Variants in IL24 observed in about 807,000 individuals in gnomAD.
IL24 encodes the protein interleukin-24.
A neutral mutation model predicts 27.6 loss-of-function variants in IL24; 24 were observed. The ratio of observed to expected loss-of-function variants is 0.87; its 90% confidence interval spans 0.63 to 1.22. The LOEUF is 1.22. Among genes scored for constraint, IL24 ranks in the 50% most tolerant of loss-of-function variants. IL24 has a pLI of 0.00. For missense variants in IL24, 240 were observed against 237.0 expected (o/e 1.01, Z -0.08); for synonymous variants, 99 against 93.1 (o/e 1.06, Z -0.36).
rs753577647 is a variant in IL24 at position 206,897,880 on chromosome 1, C to A, written c.44+4C>A. ...AAAGCCTGTGGACTTTAGCCAGGTG[C>A]GGTGGCTCACACCTGTAATCCCAGA... On this transcript the variant is annotated splice_donor_region_variant and intron_variant, in intron 2 of 6. Transcript: ENST00000294984. 1 of 1,588,098 alleles carries A rather than the reference C, an allele frequency of 6.3e-7. No individual in the cohort carries two copies. The highest frequency in any genetic ancestry group is 8.6e-7 in the Non-Finnish European group (1 of 1,165,704).
rs1051764529 is a variant in IL24, at chr1:206,903,068, A to G, written c.*9A>G. ...AATTCTACAAGCTCTGAATGTCTAGACCAGGACCTCCCTCCCCCTGGCACT... is the reference window on the plus strand; with the variant it reads ...AATTCTACAAGCTCTGAATGTCTAGGCCAGGACCTCCCTCCCCCTGGCACT... On this transcript the variant is annotated 3_prime_UTR_variant, in exon 7 of 7. Transcript: ENST00000294984. 4 of 1,607,734 alleles carry G rather than the reference A, an allele frequency of 2.5e-6. No homozygotes were observed. Among genetic ancestry groups the G allele is most frequent in the Non-Finnish European group, 3.4e-6 (4 of 1,174,292 alleles).
At position 206,897,859 on chromosome 1, in the gene IL24, C is replaced by T; in HGVS notation, c.27C>T (p.Ser9=). The T allele has an allele frequency of 1.2e-6, 2 of 1,607,774 alleles. No homozygotes were observed. The highest frequency in any genetic ancestry group is 1.1e-5 in the South Asian group (1 of 89,596). ...TGAATTTTCAACAGAGGCTGCAAAG[C>T]CTGTGGACTTTAGCCAGGTGCGGTG... The part of the protein sequence containing the change: MNFQQRLQ[S]LWTLARPFCP... Residue 9 remains serine (S), a synonymous_variant, in exon 2 of 7, where the codon AGC becomes AGT. Transcript: ENST00000294984.
chr1:206,902,784 T>C, intron 6 of IL24, 192 bp from the exon 7 acceptor site: 1 of 985,406 alleles, frequency 1.0e-6, no homozygotes, highest in Non-Finnish European at 1.2e-6. Context: ...AGCCTGTTTG[T>C]CCTCACCCCT....
chr1:206,899,159 CCCACTGCACCT>C (rs1678273647), intron 2 of IL24, among the ~76,000 whole-genome samples, 150 bp from the exon 3 acceptor site: 2 of 152,202 alleles, frequency 1.3e-5, no homozygotes, highest in African/African-American at 2.4e-5. Flanking sequence ...CTGCTTCACC[CCCACTGCACCT>C]TAGCAAGGCT....
In IL24 at chr1:206,897,710, T is replaced by A. The variant is rs1303379844; in HGVS notation, c.-102-21T>A. ...TCAAGGTGGGGACAGCAGAAGTCAA[T>A]TTTTTTGAGTGTTGATGTAGGGACA... On this transcript the variant is annotated intron_variant, in intron 1 of 6. Coordinates refer to ENST00000294984, the MANE Select transcript of IL24 (RefSeq NM_006850.3). 39 of 962,848 alleles carry A rather than the reference T, an allele frequency of 4.1e-5. No homozygotes were observed. The South Asian group carries it at 5.8e-4, about 14-fold the overall frequency. The allele number at this position is 962,848 out of a possible 1,614,324, so 59.6% of individuals were successfully genotyped here.
At chr1:206,902,868 T>A in intron 6 of IL24, 108 bp from the exon 7 acceptor site, 1 of 1,589,048 alleles carries the variant, frequency 6.3e-7, no homozygotes, top group Non-Finnish European at 8.6e-7. Context: ...ATCCCAAAGG[T>A]GACCCATCCC....
rs193227108 is a variant in IL24 at position 206,897,585 on chromosome 1, C to T, written c.-133C>T. 1,739 of 324,316 alleles carry T rather than the reference C, an allele frequency of 5.4e-3. 18 individuals carry two copies. The highest frequency in any genetic ancestry group is 0.012 in the Middle Eastern group (14 of 1,190). 20.1% of individuals were successfully genotyped at this position (324,316 alleles called of 1,614,324 possible). On this transcript the variant is annotated 5_prime_UTR_variant, in exon 1 of 7. Transcript: ENST00000294984. ...AAAGAACCAGCTGCCTCCAGGCAGCCAGCCCTCAAGCATCACTTACAGGAC... is the reference window on the plus strand; with the variant it reads ...AAAGAACCAGCTGCCTCCAGGCAGCTAGCCCTCAAGCATCACTTACAGGAC...
intron 2 of IL24, 103 bp downstream of exon 2, chr1:206,897,979 CCT>C: frequency 3.2e-6 from 2 of 615,638 alleles, no homozygotes. Flanking sequence ...ATGGTGAAAC[CCT>C]GTCTCTACTA....
At chr1:206,902,492 T>G (rs1243400316) in intron 6 of IL24, 6 of 984,808 alleles carry the variant, frequency 6.1e-6, no homozygotes, top group Non-Finnish European at 7.2e-6. Flanking sequence ...ATTTTTGCTT[T>G]TCCAAAATTA....
chr1:206,901,532 G>A lies in IL24; in HGVS notation c.342G>A (p.Glu114=). ...GTTACCTTGTCCACACCCTGCTGGA[G>A]TTCTACTTGAAAACTGTTTTCAAAA... The part of the protein sequence containing the change: ...ESCYLVHTLL[E]FYLKTVFKNY... The change falls in exon 5 of 7, where the codon GAG becomes GAA. Residue 114 remains glutamate, a synonymous_variant. Transcript: ENST00000294984. The A allele has an allele frequency of 6.2e-7, 1 of 1,614,074 alleles. No individual in the cohort carries two copies. Among genetic ancestry groups the A allele is most frequent in the Non-Finnish European group, 8.5e-7 (1 of 1,179,974 alleles).
rs779423386 is a variant in IL24 at position 206,897,814 on chromosome 1, AG to A, written c.-17del. The A allele has an allele frequency of 2.5e-6, 4 of 1,612,594 alleles. No individual in the cohort carries two copies. The highest frequency in any genetic ancestry group is 3.4e-6 in the Non-Finnish European group (4 of 1,179,450). On this transcript the variant is annotated 5_prime_UTR_variant, in exon 2 of 7. Coordinates refer to ENST00000294984, the MANE Select transcript of IL24 (RefSeq NM_006850.3). ...GAGGCTGCTTGGGAGGAAGGCCAGGAGGAACACGAGACTGAGAGATGAATTT... is the reference window on the plus strand; with the variant it reads ...GAGGCTGCTTGGGAGGAAGGCCAGGAGAACACGAGACTGAGAGATGAATTT...
chr1:206,899,177 GGCT>G (rs1301166273), intron 2 of IL24, 140 bp from the exon 3 acceptor site: 65 of 810,500 alleles, frequency 8.0e-5, no homozygotes, highest in Non-Finnish European at 1.1e-4. Context: ...ACCTTAGCAA[GGCT>G]GCCGGTTTGC....
intron 6 of IL24, 161 bp from the exon 7 acceptor site, chr1:206,902,815 G>C: frequency 4.1e-6 from 4 of 985,430 alleles, no homozygotes; most frequent in Non-Finnish European, 4.8e-6. Context: ...AACACATGTA[G>C]ATGGAGGAAA....
Position 206,899,717 on chromosome 1 carries a change from G to A in IL24, c.240+202G>A, listed in dbSNP as rs370990078. On this transcript the variant is annotated intron_variant, in intron 3 of 6. Coordinates refer to ENST00000294984, the MANE Select transcript of IL24 (RefSeq NM_006850.3). ...GAGGAAATTGGGGCTCAGAAAAAAT[G>A]TGGGCAGCCTCGAGTGAAATAAGCA... Among the ~76,000 whole-genome samples the A allele has an allele frequency of 3.3e-5, 5 of 152,310 alleles. No homozygotes were observed. The East Asian group carries it at 5.8e-4, about 18-fold the overall frequency.
intron 2 of IL24, among the ~76,000 whole-genome samples, chr1:206,899,096 A>AG (rs3093444): frequency 9.8e-4 from 149 of 152,332 alleles, no homozygotes; most frequent in Non-Finnish European, 1.8e-3. Context: ...GGGGAAGAGC[A>AG]GGTGGACAGA....
At position 206,902,999 on chromosome 1, in the gene IL24, C is replaced by A. The variant is rs777548111; in HGVS notation, c.561C>A (p.Thr187=). The change falls in exon 7 of 7, where the codon ACC becomes ACA. Residue 187 remains threonine, a synonymous_variant. Coordinates refer to ENST00000294984, the MANE Select transcript of IL24 (RefSeq NM_006850.3). ...AGTTGGACGTAGAAGCAGCTCTGACCAAAGCCCTTGGGGAAGTGGACATTC... is the reference window on the plus strand; with the variant it reads ...AGTTGGACGTAGAAGCAGCTCTGACAAAAGCCCTTGGGGAAGTGGACATTC... ...FKQLDVEAAL[T]KALGEVDILL... The A allele has an allele frequency of 6.2e-6, 10 of 1,614,052 alleles. No individual in the cohort carries two copies. The African/African-American group carries it at 1.1e-4, about 17-fold the overall frequency.
chr1:206,902,355 G>A (rs1252749882), intron 6 of IL24: 6 of 985,332 alleles, frequency 6.1e-6, no homozygotes, highest in Non-Finnish European at 7.2e-6. Context: ...CTTGGGCTGG[G>A]CAACTGAAGT....
At position 206,903,395 on chromosome 1, in the gene IL24, C is replaced by A; in HGVS notation, c.*336C>A. ...GAATATTGTGCCCCATGCTTCTTTA[C>A]CCCTCACAATCCTTGCCACAGTGTG... is the stretch of plus-strand genomic sequence containing the variant. On this transcript the variant is annotated 3_prime_UTR_variant, in exon 7 of 7. Transcript: ENST00000294984. 4.2e-6 allele frequency: 1 copy of A among 239,076 alleles called. No individual in the cohort carries two copies. Among genetic ancestry groups the A allele is most frequent in the Non-Finnish European group, 8.3e-6 (1 of 120,084 alleles). 14.8% of individuals were successfully genotyped at this position (239,076 alleles called of 1,614,324 possible).
chr1:206,900,173 C>G, intron 3 of IL24, 122 bp from the exon 4 acceptor site: 3 of 909,694 alleles, frequency 3.3e-6, no homozygotes, highest in Non-Finnish European at 3.5e-6. Flanking sequence ...TTTGGTCCCT[C>G]TGGCCTTTGA....
Sources: allele counts gnomAD v4.1 joint callset (sites outside exome capture counted in the v4.1 genomes callset), GRCh38; gene constraint gnomAD v4.1.1; transcripts MANE v1.5; gene names NCBI Gene and HGNC (gene_info 2026-07-23, HGNC 2026-07-21).